ZNF277: variants seen among roughly 807,000 people sequenced by gnomAD.
ZNF277 encodes nuclear receptor-interacting factor 4.
In ZNF277, 55 loss-of-function variants were observed where a neutral mutation model predicts 60.7. That is an observed-to-expected ratio of 0.91 (90% CI 0.73 to 1.13). The LOEUF is 1.13. ZNF277 is among the 50% of genes most tolerant of loss of function. The pLI, the probability that ZNF277 is intolerant of heterozygous loss-of-function variation, is 0.00. For synonymous variants in ZNF277, 178 were observed against 179.3 expected (o/e 0.99, Z 0.06); for missense variants, 510 against 523.0 (o/e 0.98, Z 0.24).
intron 1 of ZNF277, among the ~76,000 whole-genome samples, chr7:112,255,895 G>A (rs1377816342): frequency 6.6e-6 from 1 of 152,170 alleles, no homozygotes; most frequent in African/African-American, 2.4e-5. Context: ...TTGCCCCTAT[G>A]TCTTGGTTCA....
intron 4 of ZNF277, among the ~76,000 whole-genome samples, chr7:112,302,711 C>T (rs1256423849): frequency 6.6e-6 from 1 of 151,988 alleles, no homozygotes. Context: ...TTAAAATTTA[C>T]AGGACAATTT....
chr7:112,275,759 A>G (rs1791777955), intron 1 of ZNF277, among the ~76,000 whole-genome samples: 2 of 117,200 alleles, frequency 1.7e-5, no homozygotes, highest in African/African-American at 1.2e-4. Context: ...ATTCCTCTTT[A>G]TGAAATTGAT....
intron 1 of ZNF277, among the ~76,000 whole-genome samples, chr7:112,261,391 TGCAATGGATG>T (rs1386124780): frequency 2.0e-5 from 3 of 152,222 alleles, no homozygotes; most frequent in Non-Finnish European, 4.4e-5. Context: ...ATCCCATAAA[TGCAATGGATG>T]GCATTTCATA....
Position 112,225,096 on chromosome 7 carries a change from T to G in ZNF277, c.91+18289T>G, listed in dbSNP as rs191201349. 2.0e-3 allele frequency among the ~76,000 whole-genome samples: 306 copies of G among 152,270 alleles called. 1 individual carries two copies. Among genetic ancestry groups the G allele is most frequent in the African/African-American group, 7.0e-3 (291 of 41,550 alleles). ...AAGAGCTCAATTACTGGAAAAAGAA[T>G]TAAAGTTGAGGTTTGGTTTCAAGAA... On this transcript the variant is annotated intron_variant, in intron 1 of 11. Transcript: ENST00000361822.
chr7:112,283,419 A>G (rs962006854), intron 1 of ZNF277, among the ~76,000 whole-genome samples: 1 of 152,130 alleles, frequency 6.6e-6, no homozygotes, highest in Admixed American at 6.5e-5. Context: ...GCTACTCGGA[A>G]GGCTGACACA....
chr7:112,303,194 A>G (rs1293702157), intron 4 of ZNF277, among the ~76,000 whole-genome samples: 1 of 151,918 alleles, frequency 6.6e-6, no homozygotes, highest in Non-Finnish European at 1.5e-5. Flanking sequence ...CAAGTGATCC[A>G]CCTGCCTTGG....
intron 4 of ZNF277, among the ~76,000 whole-genome samples, chr7:112,304,396 G>GAGAAT (rs1441670972): frequency 6.6e-6 from 1 of 152,110 alleles, no homozygotes; most frequent in African/African-American, 2.4e-5. Context: ...ACACTTAAAA[G>GAGAAT]AGAATTTTGG....
At chr7:112,228,422 T>A (rs1822231234) in intron 1 of ZNF277, among the ~76,000 whole-genome samples, 1 of 146,246 alleles carries the variant, frequency 6.8e-6, no homozygotes, top group Non-Finnish European at 1.5e-5. Flanking sequence ...TGTGCACAGG[T>A]GAATGCATGT....
chr7:112,335,305 G>C (rs1034762887), intron 7 of ZNF277, among the ~76,000 whole-genome samples: 4 of 152,096 alleles, frequency 2.6e-5, no homozygotes, highest in African/African-American at 9.7e-5. Context: ...TTGTGACATT[G>C]TCTGCTTTTG....
chr7:112,223,700 C>T (rs950443368), intron 1 of ZNF277, among the ~76,000 whole-genome samples: 1 of 152,170 alleles, frequency 6.6e-6, no homozygotes, highest in Non-Finnish European at 1.5e-5. Flanking sequence ...CCAGGGATGG[C>T]TGCAAAATTT....
intron 1 of ZNF277, among the ~76,000 whole-genome samples, chr7:112,260,765 G>T (rs1791422194): frequency 6.6e-6 from 1 of 152,118 alleles, no homozygotes; most frequent in African/African-American, 2.4e-5. Flanking sequence ...GTGGGAGGTG[G>T]GCTAGGCGGA....
intron 2 of ZNF277, 89 bp downstream of exon 2, chr7:112,287,163 T>C: frequency 7.2e-7 from 1 of 1,390,040 alleles, no homozygotes. Flanking sequence ...GAGGCCAAAG[T>C]GGGAGGATCA....
intron 1 of ZNF277, among the ~76,000 whole-genome samples, chr7:112,221,714 G>A (rs1822036186): frequency 6.6e-6 from 1 of 152,056 alleles, no homozygotes; most frequent in South Asian, 2.1e-4. Context: ...TCACAGTAGG[G>A]TTCACACTCC....
chr7:112,339,826 A>G lies in ZNF277; in HGVS notation c.967-17A>G, dbSNP rs1222215753. ...AAATAATTCATATGCTTACAGATGT[A>G]TTCATTCCTTTTTTAGGATGCACAC... On this transcript the variant is annotated splice_polypyrimidine_tract_variant and intron_variant, in intron 9 of 11. Coordinates refer to ENST00000361822, the MANE Select transcript of ZNF277 (RefSeq NM_021994.3). The G allele has an allele frequency of 6.2e-7, 1 of 1,609,298 alleles. No individual in the cohort carries two copies. Among genetic ancestry groups the G allele is most frequent in the East Asian group, 2.2e-5 (1 of 44,852 alleles).
At chr7:112,233,874 T>C (rs1421045034) in intron 1 of ZNF277, among the ~76,000 whole-genome samples, 1 of 152,168 alleles carries the variant, frequency 6.6e-6, no homozygotes, top group Non-Finnish European at 1.5e-5. Context: ...TTTTTGGTAA[T>C]AGGTCTAATA....
intron 1 of ZNF277, among the ~76,000 whole-genome samples, chr7:112,207,120 C>G (rs1821527047): frequency 6.6e-6 from 1 of 152,228 alleles, no homozygotes; most frequent in Non-Finnish European, 1.5e-5. Flanking sequence ...GAGCTAGCTG[C>G]TGAGTGGGTT....
chr7:112,301,953 T>C (rs1792480934), intron 4 of ZNF277, among the ~76,000 whole-genome samples: 1 of 152,122 alleles, frequency 6.6e-6, no homozygotes. Flanking sequence ...GGCAGACATC[T>C]ATAATCACTG....
chr7:112,228,005 G>C (rs914855480), intron 1 of ZNF277, among the ~76,000 whole-genome samples: 1 of 151,780 alleles, frequency 6.6e-6, no homozygotes, highest in African/African-American at 2.4e-5. Context: ...CAGTTTTGAA[G>C]GCCAGAAGTC....
intron 1 of ZNF277, among the ~76,000 whole-genome samples, chr7:112,228,837 C>A (rs1822247008): frequency 6.6e-6 from 1 of 152,022 alleles, no homozygotes; most frequent in African/African-American, 2.4e-5. Flanking sequence ...AACTTGTGGA[C>A]AAAAGAATCA....
Sources: gnomAD v4.1 joint callset for allele counts (sites outside exome capture counted in the v4.1 genomes callset) on GRCh38, gnomAD v4.1.1 for gene constraint, MANE v1.5 for transcripts, NCBI Gene and HGNC (gene_info 2026-07-23, HGNC 2026-07-21) for gene names.